The following HAPLN1 variants were observed in gnomAD, a reference collection of about 807,000 sequenced individuals.
HAPLN1 encodes Cartilage link protein.
Under a neutral mutation model 36.5 loss-of-function variants are expected in HAPLN1, and 13 were observed. That is an observed-to-expected ratio of 0.36 (90% CI 0.23 to 0.57). The LOEUF (loss-of-function observed/expected upper bound fraction) is 0.57, where lower values mean the gene tolerates loss of function less well. Among genes scored for constraint, HAPLN1 ranks in the 20% least tolerant of loss-of-function variants. HAPLN1 has a pLI of 0.83. For synonymous variants in HAPLN1, 202 were observed against 169.8 expected (o/e 1.19, Z -1.48); for missense variants, 407 against 439.7 (o/e 0.93, Z 0.66).
intron 1 of HAPLN1, among the ~76,000 whole-genome samples, chr5:83,679,032 CCA>C (rs1750932059): frequency 6.6e-6 from 1 of 152,058 alleles, no homozygotes; most frequent in African/African-American, 2.4e-5. Flanking sequence ...CATAGACTTC[CCA>C]GTTTTTTATG....
At chr5:83,683,926 C>T (rs1413738053) in intron 1 of HAPLN1, among the ~76,000 whole-genome samples, 1 of 151,906 alleles carries the variant, frequency 6.6e-6, no homozygotes. Flanking sequence ...AAAACAGGGC[C>T]CCTACTGCTG....
chr5:83,644,281 AT>A lies in HAPLN1; in HGVS notation c.775+81del, dbSNP rs1749785945. ...TGTTTTTGTTTGTTTTTCTAAGAAG[AT>A]AAGATTAAAAGCCAAGTGTAGTGTT... is the stretch of plus-strand genomic sequence containing the variant. On this transcript the variant is annotated intron_variant, in intron 4 of 4. Transcript: ENST00000274341. The A allele has an allele frequency of 2.8e-6, 3 of 1,069,448 alleles. No individual in the cohort carries two copies. In the African/African-American group the frequency reaches 5.8e-5, roughly 21 times the overall value. The allele number at this position is 1,069,448 out of a possible 1,614,324, so 66.2% of individuals were successfully genotyped here.
chr5:83,670,689 TTGTGTG>T (rs10572732), intron 2 of HAPLN1, among the ~76,000 whole-genome samples: 1 of 148,922 alleles, frequency 6.7e-6, no homozygotes, highest in Non-Finnish European at 1.5e-5. Context: ...TACCTTTGTT[TTGTGTG>T]TGTGTGTGTG....
At position 83,639,292 on chromosome 5, in the gene HAPLN1, C is replaced by T. The variant is rs568466038; in HGVS notation, c.*2204G>A. On this transcript the variant is annotated 3_prime_UTR_variant, in exon 5 of 5. Transcript: ENST00000274341. ...GTGTTAAGATTTTTTGTTTTTTACA[C>T]GAATGGAAAAATGATGTGTAAGTGG... The T allele has an allele frequency of 3.9e-5, 6 of 151,972 alleles. No homozygotes were observed. Among genetic ancestry groups the T allele is most frequent in the African/African-American group, 9.6e-5 (4 of 41,506 alleles). 9.4% of individuals were successfully genotyped at this position (151,972 alleles called of 1,614,324 possible). A position where few individuals can be genotyped will look rare whatever the true frequency, so the allele number is the denominator to read the frequency against.
chr5:83,682,904 T>G (rs1751040632), intron 1 of HAPLN1, among the ~76,000 whole-genome samples: 2 of 152,054 alleles, frequency 1.3e-5, no homozygotes, highest in South Asian at 4.1e-4. Context: ...ACAACTTCTT[T>G]GGCTCAGGAA....
chr5:83,709,442 A>C (rs1580165457), intron 1 of HAPLN1, among the ~76,000 whole-genome samples: 2 of 152,142 alleles, frequency 1.3e-5, no homozygotes, highest in Non-Finnish European at 2.9e-5. Flanking sequence ...TCGGTCATTG[A>C]ATCCTGTCAG....
intron 1 of HAPLN1, among the ~76,000 whole-genome samples, chr5:83,708,072 G>T (rs1056836114): frequency 6.6e-6 from 1 of 152,252 alleles, no homozygotes; most frequent in Admixed American, 6.5e-5. Flanking sequence ...ACAGATGCTG[G>T]TGTGGTTGTG....
At chr5:83,692,793 G>C (rs1456357419) in intron 1 of HAPLN1, among the ~76,000 whole-genome samples, 1 of 151,822 alleles carries the variant, frequency 6.6e-6, no homozygotes, top group Non-Finnish European at 1.5e-5. Flanking sequence ...AATGTACGGT[G>C]GGGTTTTATA....
intron 3 of HAPLN1, among the ~76,000 whole-genome samples, chr5:83,645,288 C>T (rs940123116): frequency 6.6e-6 from 1 of 151,978 alleles, no homozygotes; most frequent in African/African-American, 2.4e-5. Flanking sequence ...CTTCTAATAA[C>T]TTGCAGATAA....
chr5:83,671,120 G>A (rs1750706932), intron 2 of HAPLN1, among the ~76,000 whole-genome samples: 1 of 151,964 alleles, frequency 6.6e-6, no homozygotes, highest in Non-Finnish European at 1.5e-5. Context: ...CATACACATG[G>A]AACTCAAAAA....
intron 1 of HAPLN1, among the ~76,000 whole-genome samples, chr5:83,698,003 T>C (rs1366047396): frequency 6.6e-6 from 1 of 152,180 alleles, no homozygotes; most frequent in Non-Finnish European, 1.5e-5. Flanking sequence ...CTTGATATTG[T>C]CCTTTGAAGT....
At chr5:83,718,117 T>C (rs886227253) in intron 1 of HAPLN1, among the ~76,000 whole-genome samples, 7 of 152,202 alleles carry the variant, frequency 4.6e-5, no homozygotes, top group Non-Finnish European at 8.8e-5. Flanking sequence ...ATATTAGAAG[T>C]GAGTTGCAGT....
Position 83,714,860 on chromosome 5 carries a change from A to T in HAPLN1, c.-27+5929T>A, listed in dbSNP as rs139250356. On this transcript the variant is annotated intron_variant, in intron 1 of 4. Coordinates refer to ENST00000274341, the MANE Select transcript of HAPLN1 (RefSeq NM_001884.4). ...ACTGTCATGAAGGGCTGAGGGGATC[A>T]AGAGCAGAGATTAAGGCAAAGTGAA... 6.1e-3 allele frequency among the ~76,000 whole-genome samples: 925 copies of T among 152,352 alleles called. 10 individuals carry two copies. Among genetic ancestry groups the T allele is most frequent in the African/African-American group, 0.021 (890 of 41,578 alleles).
chr5:83,641,969 T>A (rs569166645), intron 4 of HAPLN1, among the ~76,000 whole-genome samples, 184 bp from the exon 5 acceptor site: 2 of 152,306 alleles, frequency 1.3e-5, no homozygotes, highest in East Asian at 3.9e-4. Context: ...TAAATTAGTT[T>A]TTTCCCTTGC....
intron 4 of HAPLN1, 102 bp downstream of exon 4, chr5:83,644,261 T>C: frequency 1.1e-6 from 1 of 945,308 alleles, no homozygotes; most frequent in Non-Finnish European, 1.4e-6. Flanking sequence ...AAGCTTGTTT[T>C]TGTTTGTTTT....
At chr5:83,702,572 G>T (rs979730147) in intron 1 of HAPLN1, among the ~76,000 whole-genome samples, 2 of 152,228 alleles carry the variant, frequency 1.3e-5, no homozygotes, top group Non-Finnish European at 2.9e-5. Flanking sequence ...AGGCCATGAA[G>T]ATAAGGGTTA....
In HAPLN1 at chr5:83,641,755, T is replaced by A; in HGVS notation, c.806A>T (p.Lys269Ile). 6.2e-7 allele frequency: 1 copy of A among 1,613,984 alleles called. No individual in the cohort carries two copies. Among genetic ancestry groups the A allele is most frequent in the Non-Finnish European group, 8.5e-7 (1 of 1,179,958 alleles). Residue 269 changes from lysine (K) to isoleucine (I), a missense_variant, in exon 5 of 5, where the codon AAA becomes ATA. Transcript: ENST00000274341. ...TTGCACCGCTTCATCATAGGTCAGT[T>A]TGGTGGGGTGGATCAGATAGTAAAA... ...GRFYYLIHPT[K>I]LTYDEAVQAC...
At chr5:83,653,830 T>A (rs1189147668) in intron 2 of HAPLN1, among the ~76,000 whole-genome samples, 1 of 152,258 alleles carries the variant, frequency 6.6e-6, no homozygotes, top group Non-Finnish European at 1.5e-5. Flanking sequence ...TCCCCCTGGC[T>A]AGCACATTGT....
intron 1 of HAPLN1, among the ~76,000 whole-genome samples, chr5:83,718,613 G>A (rs1436313334): frequency 1.3e-5 from 2 of 152,076 alleles, no homozygotes; most frequent in Admixed American, 1.3e-4. Flanking sequence ...ACAGCATTTT[G>A]CTACCTTTAA....
Sources: allele counts gnomAD v4.1 joint callset (sites outside exome capture counted in the v4.1 genomes callset), GRCh38; gene constraint gnomAD v4.1.1; transcripts MANE v1.5; gene names NCBI Gene and HGNC (gene_info 2026-07-23, HGNC 2026-07-21).